Variants in CCL28 observed in about 807,000 individuals in gnomAD.
The protein encoded by CCL28 is C-C motif chemokine 28.
In CCL28, 4 loss-of-function variants were observed where a neutral mutation model predicts 7.1. That is an observed-to-expected ratio of 0.56 (90% confidence interval 0.28 to 1.29). CCL28 has a LOEUF of 1.29. CCL28 is among the 50% of genes most tolerant of loss of function. The pLI, the probability that CCL28 is intolerant of heterozygous loss-of-function variation, is 0.11. For synonymous variants in CCL28, 55 were observed against 57.8 expected, an observed-to-expected ratio of 0.95 and a Z score of 0.22; for missense variants, 151 against 163.4, an observed-to-expected ratio of 0.92 and a Z score of 0.41.
chr5:43,373,594 C>T (rs1285746200), downstream of CCL28, among the ~76,000 whole-genome samples: 1 of 152,196 alleles, frequency 6.6e-6, no homozygotes, highest in African/African-American at 2.4e-5. Context: ...GCCACCACAC[C>T]CGGACTAACA....
the CCL28 span, among the ~76,000 whole-genome samples, chr5:43,359,265 G>C: frequency 1.3e-5 from 2 of 152,124 alleles, no homozygotes; most frequent in Non-Finnish European, 2.9e-5. Context: ...CCTGAACAGA[G>C]ATTTACCCAC....
chr5:43,368,806 G>A, the CCL28 span, among the ~76,000 whole-genome samples: 2 of 152,100 alleles, frequency 1.3e-5, no homozygotes, highest in African/African-American at 2.4e-5. Context: ...CAAGGAGAGA[G>A]GTGTGGGACA....
intron 2 of CCL28, among the ~76,000 whole-genome samples, chr5:43,383,584 A>G (rs1480008255): frequency 6.6e-6 from 1 of 152,116 alleles, no homozygotes; most frequent in East Asian, 1.9e-4. Context: ...GAGAGTCTTA[A>G]AAAAAAACAA....
At chr5:43,375,163 G>C (rs1022931652), downstream of CCL28, among the ~76,000 whole-genome samples, 1 of 151,520 alleles carries the variant, frequency 6.6e-6, no homozygotes, top group Non-Finnish European at 1.5e-5. Flanking sequence ...CTAATTTTTT[G>C]TATTTTTAGT....
intron 1 of CCL28, among the ~76,000 whole-genome samples, chr5:43,405,852 G>C (rs1199394789): frequency 6.6e-6 from 1 of 152,284 alleles, no homozygotes; most frequent in Admixed American, 6.5e-5. Flanking sequence ...ACTACCATCA[G>C]AGAATACTAT....
chr5:43,365,575 C>T, the CCL28 span, among the ~76,000 whole-genome samples: 1 of 151,954 alleles, frequency 6.6e-6, no homozygotes, highest in Non-Finnish European at 1.5e-5. Context: ...TTGGTGGTGA[C>T]AAAAATCTCT....
the CCL28 span, among the ~76,000 whole-genome samples, chr5:43,369,084 G>GA: frequency 7.8e-6 from 1 of 127,484 alleles, no homozygotes; most frequent in African/African-American, 2.9e-5. Flanking sequence ...GAGAGAGAGA[G>GA]AACCAGTAAG....
downstream of CCL28, among the ~76,000 whole-genome samples, chr5:43,373,647 C>T (rs1464608500): frequency 6.6e-6 from 1 of 152,056 alleles, no homozygotes; most frequent in Non-Finnish European, 1.5e-5. Flanking sequence ...TCTGATTGGT[C>T]CAGGGTAACT....
At chr5:43,384,442 T>C (rs895621160) in intron 2 of CCL28, among the ~76,000 whole-genome samples, 13 of 152,230 alleles carry the variant, frequency 8.5e-5, no homozygotes, top group African/African-American at 2.7e-4. Context: ...AAAAACTTCT[T>C]AAATCTCTAC....
the CCL28 span, among the ~76,000 whole-genome samples, chr5:43,371,291 CTTTATA>C: frequency 2.6e-5 from 4 of 152,086 alleles, no homozygotes; most frequent in Admixed American, 1.3e-4. Context: ...GGTTTTTGTA[CTTTATA>C]TTTATAGAAA....
chr5:43,357,837 A>G, the CCL28 span, among the ~76,000 whole-genome samples: 2 of 152,224 alleles, frequency 1.3e-5, no homozygotes, highest in African/African-American at 4.8e-5. Context: ...TTTAATGCTC[A>G]ATTAAGATAT....
At chr5:43,370,149 C>A in the CCL28 span, among the ~76,000 whole-genome samples, 2 of 152,196 alleles carry the variant, frequency 1.3e-5, no homozygotes, top group African/African-American at 4.8e-5. Flanking sequence ...TAAGAACTGT[C>A]CAACTGAGCC....
chr5:43,401,323 T>C (rs902803964), intron 1 of CCL28, among the ~76,000 whole-genome samples: 4 of 152,128 alleles, frequency 2.6e-5, no homozygotes, highest in African/African-American at 7.2e-5. Flanking sequence ...GGGATAATGT[T>C]TGGGGGCATG....
At chr5:43,364,338 T>A in the CCL28 span, among the ~76,000 whole-genome samples, 1 of 152,118 alleles carries the variant, frequency 6.6e-6, no homozygotes, top group African/African-American at 2.4e-5. Context: ...TACATGTGTG[T>A]GTATGTATGT....
the CCL28 span, among the ~76,000 whole-genome samples, chr5:43,360,299 T>A: frequency 1.1e-4 from 17 of 152,300 alleles, no homozygotes; most frequent in East Asian, 9.6e-4. Flanking sequence ...GACTTTTTTT[T>A]AATTTTAGGT....
intron 1 of CCL28, among the ~76,000 whole-genome samples, chr5:43,391,706 C>A (rs1740580441): frequency 6.6e-6 from 1 of 152,192 alleles, no homozygotes; most frequent in African/African-American, 2.4e-5. Context: ...CTAATGATAA[C>A]AGACATTGTT....
downstream of CCL28, among the ~76,000 whole-genome samples, chr5:43,373,919 T>C (rs539047222): frequency 6.6e-6 from 1 of 152,204 alleles, no homozygotes; most frequent in Non-Finnish European, 1.5e-5. Flanking sequence ...GAGATATGTC[T>C]ATCTTATAGA....
chr5:43,387,125 T>G (rs1459459460), intron 2 of CCL28, among the ~76,000 whole-genome samples: 2 of 152,238 alleles, frequency 1.3e-5, no homozygotes, highest in Non-Finnish European at 2.9e-5. Flanking sequence ...AAAACCAGCA[T>G]GCCAGGGAGA....
At chr5:43,408,456 A>T (rs191348614) in intron 1 of CCL28, among the ~76,000 whole-genome samples, 1 of 152,332 alleles carries the variant, frequency 6.6e-6, no homozygotes, top group Non-Finnish European at 1.5e-5. Context: ...ACTTGGACCC[A>T]GGGTGGGGAA....
Sources: gnomAD v4.1 joint callset for allele counts (sites outside exome capture counted in the v4.1 genomes callset) on GRCh38, gnomAD v4.1.1 for gene constraint, MANE v1.5 for transcripts, NCBI Gene and HGNC (gene_info 2026-07-23, HGNC 2026-07-21) for gene names.